The following ROCK2 variants were observed in gnomAD, a reference collection of about 807,000 sequenced individuals.
ROCK2 encodes the protein rho-associated protein kinase 2.
ROCK2 carries 61 observed loss-of-function variants against 195.1 expected under a neutral mutation model. That is an observed-to-expected ratio of 0.31 (90% CI 0.25 to 0.39). The LOEUF is 0.39. ROCK2 is among the 10% of genes least tolerant of loss of function. The pLI is 1.00. For missense variants in ROCK2, 1,109 were observed against 1,637.4 expected (o/e 0.68, Z 5.57); for synonymous variants, 504 against 545.5 (o/e 0.92, Z 1.06).
chr2:11,279,429 A>G (rs1442448515), intron 3 of ROCK2, among the ~76,000 whole-genome samples: 1 of 152,224 alleles, frequency 6.6e-6, no homozygotes, highest in African/African-American at 2.4e-5. Context: ...TACCAGCGAT[A>G]AAAAAGGGCA....
chr2:11,300,002 C>G (rs951912639), intron 1 of ROCK2, among the ~76,000 whole-genome samples: 7 of 152,144 alleles, frequency 4.6e-5, no homozygotes, highest in African/African-American at 1.7e-4. Context: ...GAGCAAGTCT[C>G]GGAAAGCGAA....
intron 3 of ROCK2, among the ~76,000 whole-genome samples, chr2:11,253,253 T>C (rs1665902807): frequency 6.6e-6 from 1 of 152,172 alleles, no homozygotes; most frequent in Non-Finnish European, 1.5e-5. Context: ...CTTCCCGACT[T>C]AAATCTTGTC....
At chr2:11,215,152 A>G (rs759407403) in intron 15 of ROCK2, 66 bp from the exon 16 acceptor site, 9 of 1,571,542 alleles carry the variant, frequency 5.7e-6, no homozygotes, top group Middle Eastern at 1.7e-4. Flanking sequence ...AAATAAGTCA[A>G]TGTATTCCCC....
chr2:11,308,705 C>T (rs1667940719), intron 1 of ROCK2: 1 of 1,599,340 alleles, frequency 6.3e-7, no homozygotes, highest in African/African-American at 1.3e-5. Context: ...GCTCCAGAAG[C>T]ATGTTGAAAA....
At chr2:11,271,792 C>G (rs1276492889) in intron 3 of ROCK2, among the ~76,000 whole-genome samples, 1 of 152,066 alleles carries the variant, frequency 6.6e-6, no homozygotes, top group Admixed American at 6.5e-5. Flanking sequence ...CTTTGGGAGG[C>G]AGAGGCGGGC....
chr2:11,253,438 T>C (rs1665908865), intron 3 of ROCK2, among the ~76,000 whole-genome samples: 2 of 152,236 alleles, frequency 1.3e-5, no homozygotes, highest in Admixed American at 1.3e-4. Flanking sequence ...TCAGTTTAAA[T>C]ATAAAACTCC....
chr2:11,205,834 C>T (rs1664030612), intron 20 of ROCK2, among the ~76,000 whole-genome samples: 1 of 152,088 alleles, frequency 6.6e-6, no homozygotes, highest in African/African-American at 2.4e-5. Context: ...GGGGGCCGGG[C>T]ACAGTGGCTC....
intron 1 of ROCK2, among the ~76,000 whole-genome samples, chr2:11,295,877 A>C (rs1667496094): frequency 6.6e-6 from 1 of 151,748 alleles, no homozygotes; most frequent in Non-Finnish European, 1.5e-5. Context: ...CAATCACTTA[A>C]ACCCAAGAGG....
intron 3 of ROCK2, among the ~76,000 whole-genome samples, chr2:11,279,322 G>A (rs1430962797): frequency 6.6e-6 from 1 of 152,180 alleles, no homozygotes; most frequent in Admixed American, 6.5e-5. Context: ...TAGATGAAAA[G>A]TAGATGGATG....
chr2:11,220,925 T>A (rs952841848), intron 9 of ROCK2, among the ~76,000 whole-genome samples: 2 of 152,234 alleles, frequency 1.3e-5, no homozygotes, highest in Non-Finnish European at 2.9e-5. Context: ...TTCTCTTATA[T>A]CCTTCACGAG....
In ROCK2 at chr2:11,217,189, T is replaced by C; in HGVS notation, c.1333-20A>G. The C allele has an allele frequency of 8.4e-7, 1 of 1,184,902 alleles. No homozygotes were observed. Among genetic ancestry groups the C allele is most frequent in the Non-Finnish European group, 1.3e-6 (1 of 797,318 alleles). 73.4% of individuals were successfully genotyped at this position (1,184,902 alleles called of 1,614,324 possible). A position where few individuals can be genotyped will look rare whatever the true frequency, so the allele number is the denominator to read the frequency against. ...CTGAATCTGTCAAAAAACAAGAAAC[T>C]GTAATTACGTATTTTGGTCATATTT... On this transcript the variant is annotated intron_variant, in intron 11 of 32. Coordinates refer to ENST00000315872, the MANE Select transcript of ROCK2 (RefSeq NM_004850.5).
At chr2:11,267,587 G>A (rs1666462884) in intron 3 of ROCK2, among the ~76,000 whole-genome samples, 1 of 151,596 alleles carries the variant, frequency 6.6e-6, no homozygotes, top group African/African-American at 2.4e-5. Context: ...TGCTTTCTGA[G>A]GCAGTCCTCT....
At chr2:11,273,552 G>A (rs908250423) in intron 3 of ROCK2, among the ~76,000 whole-genome samples, 1 of 152,056 alleles carries the variant, frequency 6.6e-6, no homozygotes, top group Non-Finnish European at 1.5e-5. Flanking sequence ...AATAATAGTT[G>A]GAGACTTTCA....
chr2:11,332,835 C>A (rs189712387), intron 1 of ROCK2, among the ~76,000 whole-genome samples: 1 of 152,204 alleles, frequency 6.6e-6, no homozygotes, highest in Admixed American at 6.5e-5. Context: ...TATTATTCAT[C>A]AATTAAAAAG....
At chr2:11,295,774 T>C (rs1457502440) in intron 1 of ROCK2, among the ~76,000 whole-genome samples, 2 of 151,924 alleles carry the variant, frequency 1.3e-5, no homozygotes, top group Non-Finnish European at 2.9e-5. Context: ...CTGGCCAACA[T>C]GGTGAAACCC....
intron 27 of ROCK2, chr2:11,195,357 T>C (rs1663592083): frequency 6.0e-6 from 1 of 166,236 alleles, no homozygotes; most frequent in Non-Finnish European, 1.3e-5. Context: ...CTCTCTATTC[T>C]CACTGGTACA....
intron 1 of ROCK2, among the ~76,000 whole-genome samples, chr2:11,342,361 C>T (rs1669133270): frequency 6.6e-6 from 1 of 152,166 alleles, no homozygotes; most frequent in African/African-American, 2.4e-5. Flanking sequence ...AAATAGCCTC[C>T]ATTTTAATAA....
In ROCK2 at chr2:11,224,325, T is replaced by C; in HGVS notation, c.1004A>G (p.Asp335Gly). 1 of 1,610,420 alleles carries C rather than the reference T, an allele frequency of 6.2e-7. No homozygotes were observed. The highest frequency in any genetic ancestry group is 1.1e-5 in the South Asian group (1 of 90,176). The change falls in exon 7 of 33, where the codon GAT becomes GGT. Residue 335 changes from aspartate to glycine, a missense_variant. Around this residue, in one of 6 missense-constraint regions of ROCK2, gnomAD observed 253 missense variants for 455.5 expected, o/e 0.56. Transcript: ENST00000315872. ...AKNLICAFLT[D>G]REVRLGRNGV... The stretch of plus-strand genomic sequence containing the variant: ...AAAGAAATTCAATGTACATTACCTA[T>C]CTGTTAAGAAAGCACAGATGAGATT...
rs148005908 is a variant in ROCK2 at position 11,260,800 on chromosome 2, TATTC to T, written c.325-11006_325-11003del. ...ACAAATATACCTAGAAGGAAAAAGA[TATTC>T]ATTTATATAAAATAAAATCACACAA... On this transcript the variant is annotated intron_variant, in intron 3 of 32. Transcript: ENST00000315872. Among the ~76,000 whole-genome samples, 1,357 of 152,298 alleles carry T rather than the reference TATTC, an allele frequency of 8.9e-3. 16 individuals are homozygous for T. The highest frequency in any genetic ancestry group is 0.031 in the African/African-American group (1,282 of 41,566).
Sources: allele counts gnomAD v4.1 joint callset (sites outside exome capture counted in the v4.1 genomes callset), GRCh38; gene constraint gnomAD v4.1.1; regional missense constraint gnomAD v4.1.1; transcripts MANE v1.5; gene names NCBI Gene and HGNC (gene_info 2026-07-23, HGNC 2026-07-21).